The following OSBPL3 variants were observed in gnomAD, a reference collection of about 807,000 sequenced individuals.
The protein encoded by OSBPL3 is oxysterol-binding protein-related protein 3.
OSBPL3 carries 65 observed loss-of-function variants against 120.1 expected under a neutral mutation model. That is an observed-to-expected ratio of 0.54 (90% CI 0.44 to 0.67). OSBPL3 has a LOEUF of 0.67. Ranked by LOEUF, OSBPL3 falls within the 30% of genes least tolerant of loss-of-function variation. The pLI, the probability that OSBPL3 is intolerant of heterozygous loss-of-function variation, is 0.00. For missense variants in OSBPL3, 1,004 were observed against 1,082.1 expected (o/e 0.93, Z 1.01); for synonymous variants, 416 against 402.6 (o/e 1.03, Z -0.40).
Position 24,892,536 on chromosome 7 carries a change from T to C in OSBPL3, c.-64A>G. The C allele has an allele frequency of 6.4e-7, 1 of 1,573,386 alleles. No homozygotes were observed. The highest frequency in any genetic ancestry group is 8.7e-7 in the Non-Finnish European group (1 of 1,150,864). On this transcript the variant is annotated 5_prime_UTR_variant, in exon 2 of 23. It adds an upstream start codon to the 5' untranslated region. Coordinates refer to ENST00000313367, the MANE Select transcript of OSBPL3 (RefSeq NM_015550.4). ...CATCAGATGACAAGGGAGCCGAGAG[T>C]ATGGAAGTCCCCAGTGGCAGGTGGT... is the stretch of plus-strand genomic sequence containing the variant.
In OSBPL3 at chr7:24,912,058, T is replaced by C. The variant is rs887890465; in HGVS notation, c.-149-19437A>G. Among the ~76,000 whole-genome samples, 16 of 152,238 alleles carry C rather than the reference T, an allele frequency of 1.1e-4. No individual in the cohort carries two copies. The highest frequency in any genetic ancestry group is 3.9e-4 in the Admixed American group (6 of 15,288). On this transcript the variant is annotated intron_variant, in intron 1 of 22. Transcript: ENST00000313367. The surrounding 1 kb of genome is among the most constrained non-coding windows in gnomAD (Gnocchi z 4.5). ...ATCCTTGTTTTTGTTTTTTCTTAAT[T>C]GACACGGTAGGTAGTAGGTTATTTG...
Position 24,916,773 on chromosome 7 carries a change from G to A in OSBPL3, c.-149-24152C>T, listed in dbSNP as rs1382381764. On this transcript the variant is annotated intron_variant, in intron 1 of 22. Coordinates refer to ENST00000313367, the MANE Select transcript of OSBPL3 (RefSeq NM_015550.4). The surrounding 1 kb of genome is among the most constrained non-coding windows in gnomAD (Gnocchi z 4.9). ...ATAATGTAGATAAGAAAAAAACGTG[G>A]TGCTTGGGTATTTTCACTAGAGATG... Among the ~76,000 whole-genome samples the A allele has an allele frequency of 1.3e-5, 2 of 152,086 alleles. No homozygotes were observed. The highest frequency in any genetic ancestry group is 2.9e-5 in the Non-Finnish European group (2 of 68,032).
rs144513885 is a variant in OSBPL3 at position 24,806,652 on chromosome 7, C to T, written c.2444+124G>A. On this transcript the variant is annotated intron_variant, in intron 21 of 22. Transcript: ENST00000313367. The surrounding 1 kb of genome is among the most constrained non-coding windows in gnomAD (Gnocchi z 5.2). Reference sequence around the variant, plus strand: ...ATACAATTGTTTAAAGCATCCCCACCTCTCAATTCCTGATGACATTTTCCA... The same window carrying T: ...ATACAATTGTTTAAAGCATCCCCACTTCTCAATTCCTGATGACATTTTCCA... 36 of 817,980 alleles carry T rather than the reference C, an allele frequency of 4.4e-5. No homozygotes were observed. The highest frequency in any genetic ancestry group is 2.4e-4 in the Middle Eastern group (1 of 4,206). 50.7% of individuals were successfully genotyped at this position (817,980 alleles called of 1,614,324 possible). A position where few individuals can be genotyped will look rare whatever the true frequency, so the allele number is the denominator to read the frequency against.
At position 24,965,386 on chromosome 7, in the gene OSBPL3, AC is replaced by A; in HGVS notation, c.-150+14499del. On this transcript the variant is annotated intron_variant, in intron 1 of 22. Coordinates refer to ENST00000313367, the MANE Select transcript of OSBPL3 (RefSeq NM_015550.4). The surrounding 1 kb of genome is among the most constrained non-coding windows in gnomAD (Gnocchi z 4.3). ...AACAAGGTTAATAAATCCCCTGCCT[AC>A]CTCACAGGGTTATTTTGTTGTGAGA... is the stretch of plus-strand genomic sequence containing the variant. Among the ~76,000 whole-genome samples, 1 of 152,300 alleles carries A rather than the reference AC, an allele frequency of 6.6e-6. No homozygotes were observed. The highest frequency in any genetic ancestry group is 1.5e-5 in the Non-Finnish European group (1 of 68,022).
chr7:24,892,725 C>CA (rs1805552571), intron 1 of OSBPL3, 104 bp from the exon 2 acceptor site: 1 of 756,862 alleles, frequency 1.3e-6, no homozygotes, highest in Non-Finnish European at 1.8e-6. Context: ...ATTACAGACT[C>CA]ACGATGTTTA....
rs907151449 is a variant in OSBPL3, at chr7:24,951,658, C to T, written c.-150+28228G>A. The stretch of plus-strand genomic sequence containing the variant: ...AAGTTCCCCAATTTAATGGTAAAGA[C>T]GTAAGCTTTGAGCTTAAAACAAGAA... On this transcript the variant is annotated intron_variant, in intron 1 of 22. Transcript: ENST00000313367. Among the ~76,000 whole-genome samples the T allele has an allele frequency of 4.6e-5, 7 of 152,206 alleles. No individual in the cohort carries two copies. In the South Asian group the frequency reaches 6.2e-4, roughly 14 times the overall value.
At position 24,829,516 on chromosome 7, in the gene OSBPL3, T is replaced by C. The variant is rs144153753; in HGVS notation, c.1884+1252A>G. On this transcript the variant is annotated intron_variant, in intron 16 of 22. Coordinates refer to ENST00000313367, the MANE Select transcript of OSBPL3 (RefSeq NM_015550.4). ...CAACCCACGCTTCCCCTCCTCTCCC[T>C]GTAGTGCAAATCCATTGATAAAGAG... Among the ~76,000 whole-genome samples the C allele has an allele frequency of 4.4e-4, 67 of 152,242 alleles. 1 individual carries two copies. The East Asian group carries it at 9.8e-3, about 22-fold the overall frequency.
At chr7:24,844,695 T>G (rs1340462144) in intron 12 of OSBPL3, among the ~76,000 whole-genome samples, 1 of 152,030 alleles carries the variant, frequency 6.6e-6, no homozygotes, top group Non-Finnish European at 1.5e-5. Flanking sequence ...ATTCTGAAAA[T>G]AAAAATAGGT....
Position 24,871,683 on chromosome 7 carries a change from G to A in OSBPL3, c.267+59C>T. 1.6e-6 allele frequency: 2 copies of A among 1,232,178 alleles called. No homozygotes were observed. The highest frequency in any genetic ancestry group is 2.4e-6 in the Non-Finnish European group (2 of 837,554). The allele number at this position is 1,232,178 out of a possible 1,614,324, so 76.3% of individuals were successfully genotyped here. A position where few individuals can be genotyped will look rare whatever the true frequency, so the allele number is the denominator to read the frequency against. Reference sequence around the variant, plus strand: ...CAACTATACACACTCTCATCTCTGAGCTGATGGTTACCCCTTTAGGATTCT... The same window carrying A: ...CAACTATACACACTCTCATCTCTGAACTGATGGTTACCCCTTTAGGATTCT... On this transcript the variant is annotated intron_variant, in intron 4 of 22. Transcript: ENST00000313367. The surrounding 1 kb of genome is among the most constrained non-coding windows in gnomAD (Gnocchi z 4.8).
At chr7:24,958,987 C>A (rs1354736370) in intron 1 of OSBPL3, among the ~76,000 whole-genome samples, 1 of 152,056 alleles carries the variant, frequency 6.6e-6, no homozygotes, top group African/African-American at 2.4e-5. Context: ...TAACTAAGAT[C>A]AAAGTATTAA....
chr7:24,951,153 G>C lies in OSBPL3; in HGVS notation c.-150+28733C>G, dbSNP rs80197350. ...AGCATCAAGAGGATGGAAAGTAGGAGAAAAGAAACGAAGAAATTTGAGATT... is the reference window on the plus strand; with the variant it reads ...AGCATCAAGAGGATGGAAAGTAGGACAAAAGAAACGAAGAAATTTGAGATT... On this transcript the variant is annotated intron_variant, in intron 1 of 22. Coordinates refer to ENST00000313367, the MANE Select transcript of OSBPL3 (RefSeq NM_015550.4). Among the ~76,000 whole-genome samples the C allele has an allele frequency of 2.6e-3, 398 of 152,250 alleles. 4 individuals are homozygous for C. Among genetic ancestry groups the C allele is most frequent in the African/African-American group, 9.2e-3 (383 of 41,542 alleles).
intron 20 of OSBPL3, among the ~76,000 whole-genome samples, chr7:24,807,450 G>A (rs1338070350): frequency 3.3e-5 from 5 of 152,114 alleles, no homozygotes; most frequent in South Asian, 2.1e-4. Flanking sequence ...CCAAGATCAC[G>A]CCACTGCATT....
At chr7:24,962,196 G>A (rs929949130) in intron 1 of OSBPL3, among the ~76,000 whole-genome samples, 22 of 151,636 alleles carry the variant, frequency 1.5e-4, no homozygotes, top group Non-Finnish European at 2.5e-4. Flanking sequence ...CCAGCTACTC[G>A]GGAGGCTGAG....
chr7:24,974,364 G>A (rs77762309), intron 1 of OSBPL3, among the ~76,000 whole-genome samples: 3 of 152,156 alleles, frequency 2.0e-5, no homozygotes, highest in Non-Finnish European at 2.9e-5. Context: ...CAAATCAGTA[G>A]GTAAACCATC....
rs75952125 is a variant in OSBPL3 at position 24,809,116 on chromosome 7, G to A, written c.2317+691C>T. On this transcript the variant is annotated intron_variant, in intron 20 of 22. Coordinates refer to ENST00000313367, the MANE Select transcript of OSBPL3 (RefSeq NM_015550.4). ...GTTGTGTAATAGCACACAGCCTAACGGTTTAAACCACCAGTCAAATGGTTT... is the reference window on the plus strand; with the variant it reads ...GTTGTGTAATAGCACACAGCCTAACAGTTTAAACCACCAGTCAAATGGTTT... 6.7e-3 allele frequency among the ~76,000 whole-genome samples: 1,016 copies of A among 152,180 alleles called. 10 individuals carry two copies. The highest frequency in any genetic ancestry group is 0.023 in the African/African-American group (961 of 41,486).
intron 12 of OSBPL3, among the ~76,000 whole-genome samples, chr7:24,845,679 TAATC>T (rs1025970714): frequency 1.3e-5 from 2 of 151,598 alleles, no homozygotes; most frequent in African/African-American, 4.8e-5. Context: ...AAAATAGATC[TAATC>T]AACATTCCTT....
Position 24,830,987 on chromosome 7 carries a change from C to T in OSBPL3, c.1747-82G>A. 3.0e-6 allele frequency: 4 copies of T among 1,342,082 alleles called. No individual in the cohort carries two copies. In the Admixed American group the frequency reaches 8.3e-5, roughly 28 times the overall value. 83.1% of individuals were successfully genotyped at this position (1,342,082 alleles called of 1,614,324 possible). A position where few individuals can be genotyped will look rare whatever the true frequency, so the allele number is the denominator to read the frequency against. ...CACAAAGAACTAAACAAAATAAAACCTCTATGATTTTCTTTCAGAAAGCCA... is the reference window on the plus strand; with the variant it reads ...CACAAAGAACTAAACAAAATAAAACTTCTATGATTTTCTTTCAGAAAGCCA... On this transcript the variant is annotated intron_variant, in intron 15 of 22. Coordinates refer to ENST00000313367, the MANE Select transcript of OSBPL3 (RefSeq NM_015550.4). The surrounding 1 kb of genome is among the most constrained non-coding windows in gnomAD (Gnocchi z 4.4).
Position 24,937,163 on chromosome 7 carries a change from G to A in OSBPL3, c.-150+42723C>T, listed in dbSNP as rs117634407. ...GGCAGGAGAAATGCCGAGCAAAAGG[G>A]GGAAAAGGCCCTTATATTATAAAAC... On this transcript the variant is annotated intron_variant, in intron 1 of 22. Transcript: ENST00000313367. This position sits in a 1 kb window ranked among gnomAD's most constrained non-coding sequence, Gnocchi z 4.0. Among the ~76,000 whole-genome samples the A allele has an allele frequency of 9.5e-3, 1,445 of 152,206 alleles. 11 individuals carry two copies. The highest frequency in any genetic ancestry group is 0.034 in the Middle Eastern group (10 of 294).
At chr7:24,945,683 C>A (rs1271298174) in intron 1 of OSBPL3, among the ~76,000 whole-genome samples, 1 of 152,178 alleles carries the variant, frequency 6.6e-6, no homozygotes, top group Admixed American at 6.5e-5. Context: ...GCTAAGCAGT[C>A]TAGAGTCCCT....
Sources: allele counts gnomAD v4.1 joint callset (sites outside exome capture counted in the v4.1 genomes callset), GRCh38; gene constraint gnomAD v4.1.1; non-coding constraint Gnocchi (gnomAD v3.1); transcripts MANE v1.5; gene names NCBI Gene and HGNC (gene_info 2026-07-23, HGNC 2026-07-21).